LIPC: variants seen among roughly 807,000 people sequenced by gnomAD.
LIPC encodes the protein lipase C, hepatic type, also known as hepatic triacylglycerol lipase.
LIPC carries 44 observed loss-of-function variants against 50.7 expected under a neutral mutation model. The ratio of observed to expected loss-of-function variants is 0.87; its 90% CI spans 0.68 to 1.11. LIPC has a LOEUF of 1.11. Ranked by LOEUF, LIPC falls within the 50% of genes most tolerant of loss-of-function variation. The pLI, the probability that LIPC is intolerant of heterozygous loss-of-function variation, is 0.00. For synonymous variants in LIPC, 271 were observed against 256.4 expected, an observed-to-expected ratio of 1.06 and a Z score of -0.54; for missense variants, 697 against 648.2, an observed-to-expected ratio of 1.08 and a Z score of -0.82.
intron 1 of LIPC, among the ~76,000 whole-genome samples, chr15:58,498,175 T>C (rs1891841071): frequency 6.6e-6 from 1 of 152,184 alleles, no homozygotes; most frequent in Non-Finnish European, 1.5e-5. Context: ...TTCCTAATTC[T>C]TCCTCTACCA....
chr15:58,480,046 T>C (rs1236707706), intron 1 of LIPC, among the ~76,000 whole-genome samples: 2 of 152,230 alleles, frequency 1.3e-5, no homozygotes, highest in African/African-American at 4.8e-5. Flanking sequence ...AGTCAGTTTC[T>C]TGTATGGTAT....
chr15:58,499,899 C>A (rs550216980), intron 1 of LIPC, among the ~76,000 whole-genome samples: 1 of 152,244 alleles, frequency 6.6e-6, no homozygotes, highest in Non-Finnish European at 1.5e-5. Flanking sequence ...CTCACAATGC[C>A]AGTGGATGTC....
chr15:58,553,982 T>A (rs911384986), intron 6 of LIPC, among the ~76,000 whole-genome samples: 1 of 150,118 alleles, frequency 6.7e-6, no homozygotes, highest in Non-Finnish European at 1.5e-5. Flanking sequence ...ATGAGAGAAA[T>A]CCATACACGG....
rs74018855 is a variant in LIPC at position 58,548,283 on chromosome 15, T to C, written c.809-47T>C. The C allele has an allele frequency of 9.1e-4, 1,461 of 1,613,394 alleles. 11 individuals are homozygous for C. The African/African-American group carries it at 0.017, about 18-fold the overall frequency. On this transcript the variant is annotated intron_variant, in intron 5 of 8. Coordinates refer to ENST00000299022, the MANE Select transcript of LIPC (RefSeq NM_000236.3). ...CCAAGGTGATCCTCTGAGTTGAGGC[T>C]GCTTTGGGTTAAGGGGTGATAACGT...
At chr15:58,441,030 T>G (rs930779596) in intron 1 of LIPC, among the ~76,000 whole-genome samples, 1 of 152,188 alleles carries the variant, frequency 6.6e-6, no homozygotes, top group Admixed American at 6.5e-5. Flanking sequence ...AAAGGCTGCC[T>G]TTCCCAGATG....
At chr15:58,527,996 C>G (rs1444734604) in intron 1 of LIPC, among the ~76,000 whole-genome samples, 1 of 152,078 alleles carries the variant, frequency 6.6e-6, no homozygotes, top group Admixed American at 6.6e-5. Context: ...GCCCACACTC[C>G]CCACCCACGG....
At chr15:58,496,743 CAAA>C (rs10716717) in intron 1 of LIPC, among the ~76,000 whole-genome samples, 7 of 114,150 alleles carry the variant, frequency 6.1e-5, no homozygotes, top group Admixed American at 2.1e-4. Context: ...TCTTCCCCCT[CAAA>C]AAAAAAAAAA....
At chr15:58,473,223 G>A (rs1890872490) in intron 1 of LIPC, among the ~76,000 whole-genome samples, 1 of 152,180 alleles carries the variant, frequency 6.6e-6, no homozygotes, top group Admixed American at 6.5e-5. Flanking sequence ...GGTTTTATGT[G>A]ACCAGAGAGA....
intron 1 of LIPC, among the ~76,000 whole-genome samples, chr15:58,433,030 T>C (rs1164190298): frequency 1.6e-4 from 24 of 152,378 alleles, no homozygotes; most frequent in Non-Finnish European, 7.3e-5. Flanking sequence ...TATTTGACTA[T>C]TTTACTTCAT....
intron 1 of LIPC, among the ~76,000 whole-genome samples, chr15:58,446,658 C>T (rs1475821510): frequency 6.6e-6 from 1 of 152,124 alleles, no homozygotes; most frequent in African/African-American, 2.4e-5. Flanking sequence ...ATGGCGCTGG[C>T]TCCTTGCACC....
Position 58,548,422 on chromosome 15 carries a change from C to T in LIPC, c.901C>T (p.Pro301Ser). 2.5e-6 allele frequency: 4 copies of T among 1,614,104 alleles called. No homozygotes were observed. Among genetic ancestry groups the T allele is most frequent in the Non-Finnish European group, 1.7e-6 (2 of 1,180,034 alleles). ...LHAGTQSMAY[P>S]CGDMNSFSQG... ...CGCCGGCACGCAGAGCATGGCCTAC[C>T]CGTGTGGTGACATGAACAGCTTCAG... The change falls in exon 6 of 9, where the codon CCG becomes TCG. Residue 301 changes from proline to serine, a missense_variant. By Grantham distance (74) the Pro-to-Ser change is moderately conservative. Transcript: ENST00000299022.
intron 1 of LIPC, chr15:58,533,263 C>G (rs1343581873): frequency 1.5e-6 from 1 of 668,352 alleles, no homozygotes; most frequent in East Asian, 1.4e-4. Flanking sequence ...AAAGCATATC[C>G]TTTCCTCACA....
chr15:58,452,032 G>A (rs1174701760), intron 1 of LIPC, among the ~76,000 whole-genome samples: 1 of 152,198 alleles, frequency 6.6e-6, no homozygotes, highest in Non-Finnish European at 1.5e-5. Flanking sequence ...GAAGCAGATG[G>A]GTGAGATAAA....
At chr15:58,546,924 A>G (rs948471961) in intron 5 of LIPC, among the ~76,000 whole-genome samples, 4 of 151,818 alleles carry the variant, frequency 2.6e-5, no homozygotes, top group Non-Finnish European at 5.9e-5. Flanking sequence ...TGCCCTTATC[A>G]TTGCTTACAT....
chr15:58,464,442 C>A (rs1343343833), intron 1 of LIPC, among the ~76,000 whole-genome samples: 1 of 152,216 alleles, frequency 6.6e-6, no homozygotes, highest in African/African-American at 2.4e-5. Flanking sequence ...CACATCATAG[C>A]AAATACTTAA....
intron 1 of LIPC, among the ~76,000 whole-genome samples, chr15:58,458,924 C>A (rs1194352059): frequency 1.3e-5 from 2 of 152,092 alleles, no homozygotes; most frequent in African/African-American, 4.8e-5. Context: ...TTAGGTCAAC[C>A]CCAAAATCTG....
At chr15:58,446,021 T>C (rs1282094223) in intron 1 of LIPC, among the ~76,000 whole-genome samples, 1 of 152,206 alleles carries the variant, frequency 6.6e-6, no homozygotes, top group African/African-American at 2.4e-5. Flanking sequence ...TCCCTCCAGA[T>C]AGACTCAATA....
chr15:58,497,457 C>T (rs1891813342), intron 1 of LIPC, among the ~76,000 whole-genome samples: 1 of 152,328 alleles, frequency 6.6e-6, no homozygotes, highest in African/African-American at 2.4e-5. Flanking sequence ...GCAAATAATG[C>T]TCAATGACCA....
intron 6 of LIPC, among the ~76,000 whole-genome samples, chr15:58,558,354 G>T (rs1408199922): frequency 6.6e-6 from 1 of 152,192 alleles, no homozygotes; most frequent in East Asian, 1.9e-4. Context: ...ACAGGTGCAA[G>T]CCACCGTGCC....
Sources: allele counts gnomAD v4.1 joint callset (sites outside exome capture counted in the v4.1 genomes callset), GRCh38; gene constraint gnomAD v4.1.1; transcripts MANE v1.5; gene names NCBI Gene and HGNC (gene_info 2026-07-23, HGNC 2026-07-21).